Variants in DLG2 observed in about 807,000 individuals in gnomAD.
The protein encoded by DLG2 is disks large homolog 2.
Under a neutral mutation model 132.5 loss-of-function variants are expected in DLG2, and 45 were observed. The ratio of observed to expected loss-of-function variants is 0.34; its 90% CI spans 0.27 to 0.44. DLG2 has a LOEUF of 0.44. DLG2 is among the 20% of genes least tolerant of loss of function. The pLI, the probability that DLG2 is intolerant of heterozygous loss-of-function variation, is 1.00. For missense variants in DLG2, 1,045 were observed against 1,196.9 expected, an observed-to-expected ratio of 0.87 and a Z score of 1.87; for synonymous variants, 424 against 419.6, an observed-to-expected ratio of 1.01 and a Z score of -0.13.
intron 18 of DLG2, among the ~76,000 whole-genome samples, chr11:83,666,476 C>T (rs2075598837): frequency 6.6e-6 from 1 of 152,150 alleles, no homozygotes; most frequent in Non-Finnish European, 1.5e-5. Flanking sequence ...TAGGTTGCTG[C>T]TTCTTGTGAG....
At position 83,549,286 on chromosome 11, in the gene DLG2, C is replaced by T. The variant is rs182299632; in HGVS notation, c.1941-7428G>A. Among the ~76,000 whole-genome samples the T allele has an allele frequency of 5.1e-4, 77 of 152,210 alleles. 2 individuals carry two copies. Among genetic ancestry groups the T allele is most frequent in the African/African-American group, 1.8e-3 (76 of 41,546 alleles). ...AAGCACATATGAATAGTGCAAGAAG[C>T]ATAGATGTTGGAATGAAGAAACACA... is the stretch of plus-strand genomic sequence containing the variant. On this transcript the variant is annotated intron_variant, in intron 19 of 27. Transcript: ENST00000376104.
At chr11:85,353,568 G>T (rs974536353) in intron 3 of DLG2, among the ~76,000 whole-genome samples, 11 of 152,160 alleles carry the variant, frequency 7.2e-5, no homozygotes, top group Non-Finnish European at 1.5e-4. Flanking sequence ...ATTCACAATA[G>T]CAAAGACTTG....
chr11:84,930,803 A>G (rs2047996558), intron 6 of DLG2, among the ~76,000 whole-genome samples: 1 of 152,094 alleles, frequency 6.6e-6, no homozygotes, highest in Non-Finnish European at 1.5e-5. Context: ...CCATCTAAAA[A>G]CAAATGCAAA....
intron 21 of DLG2, among the ~76,000 whole-genome samples, chr11:83,489,105 ACAGT>A (rs1000715906): frequency 2.9e-4 from 44 of 152,000 alleles, no homozygotes; most frequent in Middle Eastern, 3.2e-3. Flanking sequence ...TCACAAAGAG[ACAGT>A]CAGATGTTTC....
rs2075122545 is a variant in DLG2, at chr11:85,228,739, T to A, written c.186+56481A>T. ...TTATTTATCTTTAACTTTTTTCTTATAAATGGCTTATATATGGGTTTTGAT... is the reference window on the plus strand; with the variant it reads ...TTATTTATCTTTAACTTTTTTCTTAAAAATGGCTTATATATGGGTTTTGAT... On this transcript the variant is annotated intron_variant, in intron 4 of 27. Transcript: ENST00000376104. Among the ~76,000 whole-genome samples the A allele has an allele frequency of 3.3e-5, 5 of 151,822 alleles. No individual in the cohort carries two copies. The South Asian group carries it at 1.0e-3, about 31-fold the overall frequency.
chr11:85,581,276 G>A (rs952300929), intron 3 of DLG2, among the ~76,000 whole-genome samples: 10 of 151,912 alleles, frequency 6.6e-5, no homozygotes, highest in Admixed American at 1.3e-4. Context: ...CCTTAACTCC[G>A]CTCATACCTT....
chr11:84,559,506 A>AT (rs371195926), intron 6 of DLG2, among the ~76,000 whole-genome samples: 1 of 152,238 alleles, frequency 6.6e-6, no homozygotes, highest in Non-Finnish European at 1.5e-5. Flanking sequence ...CACATAAAAT[A>AT]TTTTTTTCAG....
At chr11:85,134,015 G>A (rs1368598102) in intron 5 of DLG2, among the ~76,000 whole-genome samples, 1 of 150,992 alleles carries the variant, frequency 6.6e-6, no homozygotes, top group African/African-American at 2.4e-5. Context: ...GAGGGGGTGG[G>A]AAGGGAGAAT....
At chr11:83,989,619 TA>T (rs2093588487) in intron 11 of DLG2, among the ~76,000 whole-genome samples, 1 of 152,158 alleles carries the variant, frequency 6.6e-6, no homozygotes, top group African/African-American at 2.4e-5. Context: ...AATGCACATT[TA>T]AAACCAACAT....
intron 3 of DLG2, among the ~76,000 whole-genome samples, chr11:85,425,800 G>C (rs1464619802): frequency 2.6e-5 from 4 of 152,120 alleles, no homozygotes. Flanking sequence ...GCAGGACAGT[G>C]GGTGCAGCAC....
At chr11:83,790,996 C>A in intron 17 of DLG2, 1 of 802,966 alleles carries the variant, frequency 1.2e-6, no homozygotes, top group Non-Finnish European at 2.1e-6. Flanking sequence ...TTCTGAGAAG[C>A]CGAGCTTTTC....
At chr11:83,785,793 C>T (rs1218340014) in intron 18 of DLG2, among the ~76,000 whole-genome samples, 1 of 149,572 alleles carries the variant, frequency 6.7e-6, no homozygotes, top group Non-Finnish European at 1.5e-5. Flanking sequence ...GCTCCTAATA[C>T]TCATATGCAC....
At chr11:84,705,821 T>G (rs530145144) in intron 6 of DLG2, among the ~76,000 whole-genome samples, 2 of 151,826 alleles carry the variant, frequency 1.3e-5, no homozygotes, top group African/African-American at 4.8e-5. Flanking sequence ...CAACAGGTCC[T>G]TCTTTGAAAT....
intron 6 of DLG2, among the ~76,000 whole-genome samples, chr11:85,065,226 T>C (rs970216942): frequency 4.6e-5 from 7 of 151,608 alleles, no homozygotes; most frequent in South Asian, 2.1e-4. Flanking sequence ...ATTAGAAATA[T>C]TGCTTCTAAA....
intron 7 of DLG2, among the ~76,000 whole-genome samples, chr11:84,289,248 GCA>G (rs2097952531): frequency 6.6e-6 from 1 of 152,034 alleles, no homozygotes; most frequent in African/African-American, 2.4e-5. Flanking sequence ...GGGAAACAAA[GCA>G]CAGTCATTAA....
rs186505051 is a variant in DLG2 at position 84,495,925 on chromosome 11, T to C, written c.519+38645A>G. Among the ~76,000 whole-genome samples the C allele has an allele frequency of 5.4e-3, 821 of 152,280 alleles. 11 individuals are homozygous for C. The highest frequency in any genetic ancestry group is 7.4e-3 in the Non-Finnish European group (504 of 68,006). ...CACTGAACCACAGAATGAATGCTTC[T>C]CAATTTCTCCCCACTTGTGGTGGCT... is the stretch of plus-strand genomic sequence containing the variant. On this transcript the variant is annotated intron_variant, in intron 7 of 27. Coordinates refer to ENST00000376104, the MANE Select transcript of DLG2 (RefSeq NM_001142699.3).
Position 83,547,575 on chromosome 11 carries a change from T to G in DLG2, c.1941-5717A>C, listed in dbSNP as rs76916873. Reference sequence around the variant, plus strand: ...ATGGTGGCCTTTTACAAACTGGGAATGGTTATTAGGTTACAGCCATCAAGA... The same window carrying G: ...ATGGTGGCCTTTTACAAACTGGGAAGGGTTATTAGGTTACAGCCATCAAGA... On this transcript the variant is annotated intron_variant, in intron 19 of 27. Coordinates refer to ENST00000376104, the MANE Select transcript of DLG2 (RefSeq NM_001142699.3). 6.5e-3 allele frequency among the ~76,000 whole-genome samples: 995 copies of G among 152,134 alleles called. 11 individuals are homozygous for G. The highest frequency in any genetic ancestry group is 0.023 in the African/African-American group (963 of 41,520).
At chr11:85,203,767 A>G (rs2152557305) in intron 4 of DLG2, among the ~76,000 whole-genome samples, 1 of 152,288 alleles carries the variant, frequency 6.6e-6, no homozygotes, top group African/African-American at 2.4e-5. Context: ...ATGCCTGATA[A>G]ACATAGATGC....
intron 6 of DLG2, among the ~76,000 whole-genome samples, chr11:84,705,425 TC>T (rs2059685592): frequency 6.6e-6 from 1 of 151,724 alleles, no homozygotes; most frequent in South Asian, 2.1e-4. Flanking sequence ...ATCATTCAGT[TC>T]TATTGAAGAC....
Sources: allele counts gnomAD v4.1 joint callset (sites outside exome capture counted in the v4.1 genomes callset), GRCh38; gene constraint gnomAD v4.1.1; transcripts MANE v1.5; gene names NCBI Gene and HGNC (gene_info 2026-07-23, HGNC 2026-07-21).